Variants in MALL observed in about 807,000 individuals in gnomAD.
MALL encodes the protein mal, T cell differentiation protein like, also known as MAL-like protein.
A neutral mutation model predicts 10.3 loss-of-function variants in MALL; 2 were observed. The observed-to-expected ratio is 0.19, with a 90% confidence interval of 0.08 to 0.61. The LOEUF (loss-of-function observed/expected upper bound fraction) is 0.61, where lower values mean the gene tolerates loss of function less well. Among genes scored for constraint, MALL ranks in the 20% least tolerant of loss-of-function variants. The pLI is 0.88. For missense variants in MALL, 39 were observed against 115.2 expected (o/e 0.34, Z 3.03); for synonymous variants, 27 against 51.8 (o/e 0.52, Z 2.05).
At chr2:110,113,531 A>G (rs1361122603) in intron 1 of MALL, among the ~76,000 whole-genome samples, 1 of 151,922 alleles carries the variant, frequency 6.6e-6, no homozygotes, top group Non-Finnish European at 1.5e-5. Context: ...CCACTAAAGA[A>G]CTTACTAATG....
At chr2:110,115,539 C>A (rs1678894179) in intron 1 of MALL, 149 bp downstream of exon 1, 5 of 434,458 alleles carry the variant, frequency 1.2e-5, no homozygotes, top group Admixed American at 4.5e-5. Context: ...CCGGTCTCCC[C>A]CCCCCTCTCT....
chr2:110,115,893 G>C, upstream of MALL: 1 of 358,822 alleles, frequency 2.8e-6, no homozygotes. Context: ...GCCTGGGAGG[G>C]AAAAAAAAAA....
rs187468339 is a variant in MALL, at chr2:110,096,855, T to C, written c.106-5085A>G. Among the ~76,000 whole-genome samples the C allele has an allele frequency of 6.3e-3, 960 of 151,560 alleles. 10 individuals carry two copies. The highest frequency in any genetic ancestry group is 8.7e-3 in the Non-Finnish European group (591 of 67,856). On this transcript the variant is annotated intron_variant, in intron 1 of 3. Coordinates refer to ENST00000272462, the MANE Select transcript of MALL (RefSeq NM_005434.5). ...AATAACTGTGCCATCAACGACTCTA[T>C]TATTTTGGCAATATTGATCAAAACA...
intron 1 of MALL, chr2:110,097,356 C>T: frequency 2.4e-6 from 1 of 417,750 alleles, no homozygotes; most frequent in Non-Finnish European, 4.7e-6. Flanking sequence ...ATGTAGGACC[C>T]TGTTCACGTT....
chr2:110,101,835 TA>T (rs1461305011), intron 1 of MALL, among the ~76,000 whole-genome samples: 5 of 151,070 alleles, frequency 3.3e-5, no homozygotes, highest in East Asian at 1.9e-4. Context: ...TCTTGTCTCT[TA>T]AAAAAAAAGG....
intron 1 of MALL, among the ~76,000 whole-genome samples, chr2:110,100,022 AC>A (rs1426410384): frequency 6.6e-6 from 1 of 151,790 alleles, no homozygotes; most frequent in Non-Finnish European, 1.5e-5. Flanking sequence ...CAAACACTCC[AC>A]TGCCTCACCT....
intron 1 of MALL, among the ~76,000 whole-genome samples, chr2:110,107,093 C>T (rs1268209470): frequency 1.3e-5 from 2 of 151,892 alleles, no homozygotes; most frequent in East Asian, 1.9e-4. Flanking sequence ...GTAGGGGGTG[C>T]ACCCTGAAAG....
intron 1 of MALL, among the ~76,000 whole-genome samples, chr2:110,101,694 C>T (rs1678567771): frequency 6.6e-6 from 1 of 152,158 alleles, no homozygotes; most frequent in African/African-American, 2.4e-5. Context: ...CCTCCTCCCC[C>T]AGCACCACGT....
At chr2:110,116,525 G>C (rs567456831), upstream of MALL, 2 of 152,594 alleles carry the variant, frequency 1.3e-5, no homozygotes, top group East Asian at 3.9e-4. Flanking sequence ...CACACCGGCA[G>C]GCACCAGAGA....
intron 1 of MALL, among the ~76,000 whole-genome samples, chr2:110,114,077 G>A (rs564571952): frequency 6.6e-6 from 1 of 152,040 alleles, no homozygotes; most frequent in Non-Finnish European, 1.5e-5. Context: ...CGGCCAACAT[G>A]ACCTCTCATG....
chr2:110,104,358 A>G (rs1678641276), intron 1 of MALL, among the ~76,000 whole-genome samples: 1 of 152,004 alleles, frequency 6.6e-6, no homozygotes, highest in East Asian at 1.9e-4. Flanking sequence ...TCTGTTTCCT[A>G]CTGGACCGTG....
intron 1 of MALL, among the ~76,000 whole-genome samples, chr2:110,104,073 A>C (rs1313992100): frequency 6.6e-6 from 1 of 151,186 alleles, no homozygotes; most frequent in African/African-American, 2.4e-5. Flanking sequence ...GCTGGAGATG[A>C]GGGTCCCAGT....
intron 1 of MALL, among the ~76,000 whole-genome samples, chr2:110,112,082 T>A (rs1353846113): frequency 6.6e-6 from 1 of 152,070 alleles, no homozygotes; most frequent in Non-Finnish European, 1.5e-5. Flanking sequence ...AAAAACCAAC[T>A]CAAGATGGAT....
At chr2:110,100,656 C>T (rs1196504843) in intron 1 of MALL, among the ~76,000 whole-genome samples, 1 of 152,116 alleles carries the variant, frequency 6.6e-6, no homozygotes, top group Non-Finnish European at 1.5e-5. Context: ...TTGTGGAAGC[C>T]CTTGCTCCAG....
At chr2:110,095,838 G>T (rs994690726) in intron 1 of MALL, among the ~76,000 whole-genome samples, 2 of 152,080 alleles carry the variant, frequency 1.3e-5, no homozygotes, top group Non-Finnish European at 2.9e-5. Flanking sequence ...ATTTCCAAAG[G>T]CTCCTGAGGT....
chr2:110,096,280 C>T lies in MALL; in HGVS notation c.106-4510G>A, dbSNP rs967687931. Among the ~76,000 whole-genome samples the T allele has an allele frequency of 5.9e-5, 9 of 152,160 alleles. 1 individual carries two copies. Among genetic ancestry groups the T allele is most frequent in the Non-Finnish European group, 8.8e-5 (6 of 68,034 alleles). ...GCTTGAGGCCAGCTCTCTGCTTCTACTCTCACCTCCAGTCCATGCACCATG... is the reference window on the plus strand; with the variant it reads ...GCTTGAGGCCAGCTCTCTGCTTCTATTCTCACCTCCAGTCCATGCACCATG... On this transcript the variant is annotated intron_variant, in intron 1 of 3. Coordinates refer to ENST00000272462, the MANE Select transcript of MALL (RefSeq NM_005434.5).
intron 1 of MALL, among the ~76,000 whole-genome samples, chr2:110,113,435 CAAAAAAAAAAA>C (rs58360665): frequency 3.1e-5 from 1 of 31,812 alleles, no homozygotes; most frequent in Non-Finnish European, 6.9e-5. Flanking sequence ...GACTCTGTCT[CAAAAAAAAAAA>C]AAAAAAAAAA....
At chr2:110,104,940 C>T (rs1410686024) in intron 1 of MALL, among the ~76,000 whole-genome samples, 1 of 152,158 alleles carries the variant, frequency 6.6e-6, no homozygotes, top group Non-Finnish European at 1.5e-5. Context: ...TTACAATGCG[C>T]TTTCTAGTAA....
At chr2:110,099,363 G>T (rs1678513942) in intron 1 of MALL, among the ~76,000 whole-genome samples, 2 of 152,146 alleles carry the variant, frequency 1.3e-5, no homozygotes, top group South Asian at 2.1e-4. Context: ...TAATTTGGGG[G>T]TTACAAATAC....
Sources: allele counts gnomAD v4.1 joint callset (sites outside exome capture counted in the v4.1 genomes callset), GRCh38; gene constraint gnomAD v4.1.1; transcripts MANE v1.5; gene names NCBI Gene and HGNC (gene_info 2026-07-23, HGNC 2026-07-21).